Variants in STXBP5 observed in about 807,000 individuals in gnomAD.
The protein encoded by STXBP5 is syntaxin binding protein 5, also known as syntaxin-binding protein 5.
In STXBP5, 50 loss-of-function variants were observed where a neutral mutation model predicts 152.4. The observed-to-expected ratio is 0.33, with a 90% CI of 0.26 to 0.42. The LOEUF is 0.42. Among genes scored for constraint, STXBP5 ranks in the 10% least tolerant of loss-of-function variants. The probability of loss-of-function intolerance (pLI) is 1.00; values close to 1 mark genes in which losing one functional copy is unlikely to be tolerated. For missense variants in STXBP5, 1,167 were observed against 1,388.6 expected (o/e 0.84, Z 2.54); for synonymous variants, 492 against 494.7 (o/e 0.99, Z 0.07).
Position 147,316,304 on chromosome 6 carries a change from A to G in STXBP5, c.1699A>G (p.Thr567Ala). 6.2e-7 allele frequency: 1 copy of G among 1,613,882 alleles called. No homozygotes were observed. The highest frequency in any genetic ancestry group is 8.5e-7 in the Non-Finnish European group (1 of 1,179,922). The stretch of plus-strand genomic sequence containing the variant: ...GGGTGAGCAGCCACCACCTTTGCCA[A>G]CACCCGTGGGAGGGTCCAACCCTCA... The part of the protein sequence containing the change: ...PEGEQPPPLP[T>A]PVGGSNPQPI... Residue 567 changes from threonine (T) to alanine (A), a missense_variant, in exon 16 of 28, where the codon ACA becomes GCA. Thr to Ala is a moderately conservative substitution (Grantham distance 58). Around this residue, in one of 3 missense-constraint regions of STXBP5, gnomAD observed 833 missense variants for 986.3 expected, o/e 0.84. Transcript: ENST00000321680.
At chr6:147,224,067 G>A (rs1399984556) in intron 2 of STXBP5, among the ~76,000 whole-genome samples, 3 of 152,198 alleles carry the variant, frequency 2.0e-5, no homozygotes, top group Non-Finnish European at 2.9e-5. Context: ...TTTATCACTG[G>A]TCAAGAGAAC....
chr6:147,328,463 T>C (rs771205652), intron 18 of STXBP5, among the ~76,000 whole-genome samples: 5 of 152,246 alleles, frequency 3.3e-5, no homozygotes, highest in African/African-American at 4.8e-5. Context: ...GTTCGGTACA[T>C]TATTAACTAA....
At chr6:147,325,217 A>T in intron 17 of STXBP5, 133 bp downstream of exon 17, 2 of 896,716 alleles carry the variant, frequency 2.2e-6, no homozygotes, top group Non-Finnish European at 3.0e-6. Context: ...ATTTCAGACG[A>T]AATTGACTGT....
intron 9 of STXBP5, among the ~76,000 whole-genome samples, chr6:147,295,015 A>G (rs1781447771): frequency 6.6e-6 from 1 of 152,206 alleles, no homozygotes; most frequent in Admixed American, 6.5e-5. Flanking sequence ...TATCTTTGGT[A>G]GGTTACCTAA....
Position 147,370,325 on chromosome 6 carries a change from T to A in STXBP5, c.3082-3406T>A, listed in dbSNP as rs534040086. Among the ~76,000 whole-genome samples, 131 of 152,094 alleles carry A rather than the reference T, an allele frequency of 8.6e-4. 1 individual carries two copies. Among genetic ancestry groups the A allele is most frequent in the Non-Finnish European group, 1.6e-3 (106 of 67,928 alleles). ...ATATTCACAGTGTTGATTGTGGTGATGGTTTCATGCATATATGCATATGGC... is the reference window on the plus strand; with the variant it reads ...ATATTCACAGTGTTGATTGTGGTGAAGGTTTCATGCATATATGCATATGGC... On this transcript the variant is annotated intron_variant, in intron 25 of 27. Transcript: ENST00000321680.
In STXBP5 at chr6:147,388,601, TTAA is replaced by T. The variant is rs942327353; in HGVS notation, c.*3848_*3850del. The T allele has an allele frequency of 6.6e-5, 10 of 151,390 alleles. No individual in the cohort carries two copies. The highest frequency in any genetic ancestry group is 1.5e-4 in the Non-Finnish European group (10 of 67,582). The allele number at this position is 151,390 out of a possible 1,614,324, so 9.4% of individuals were successfully genotyped here. ...ACTGGTATCTCATATCGAGATACAA[TTAA>T]TTTTAAAAAATCATACATCATTTAA... On this transcript the variant is annotated 3_prime_UTR_variant, in exon 28 of 28. Coordinates refer to ENST00000321680, the MANE Select transcript of STXBP5 (RefSeq NM_001127715.4).
intron 14 of STXBP5, among the ~76,000 whole-genome samples, chr6:147,314,907 TGGG>T (rs1261996547): frequency 6.6e-5 from 10 of 152,270 alleles, no homozygotes; most frequent in African/African-American, 2.4e-4. Flanking sequence ...TTAGGGGAAG[TGGG>T]AATGTGTTCC....
chr6:147,225,783 C>G (rs556122075), intron 2 of STXBP5, among the ~76,000 whole-genome samples: 63 of 152,132 alleles, frequency 4.1e-4, no homozygotes, highest in Admixed American at 1.2e-3. Context: ...CAGTACAAAT[C>G]CCACAGGGAA....
At chr6:147,275,002 A>G (rs1406324827) in intron 7 of STXBP5, among the ~76,000 whole-genome samples, 4 of 152,148 alleles carry the variant, frequency 2.6e-5, no homozygotes, top group African/African-American at 9.7e-5. Context: ...TTCAGTTTCC[A>G]TACAATTTTG....
chr6:147,342,080 A>T (rs954165406), intron 21 of STXBP5, among the ~76,000 whole-genome samples: 3 of 152,222 alleles, frequency 2.0e-5, no homozygotes, highest in Admixed American at 6.5e-5. Flanking sequence ...AATACAATTT[A>T]CAGAAAACTA....
chr6:147,268,838 A>T (rs552267219), intron 7 of STXBP5, among the ~76,000 whole-genome samples: 1 of 152,288 alleles, frequency 6.6e-6, no homozygotes, highest in African/African-American at 2.4e-5. Context: ...GTCATGTAGA[A>T]CAGTATTTTT....
chr6:147,291,214 C>T, intron 9 of STXBP5, 42 bp downstream of exon 9: 1 of 1,484,134 alleles, frequency 6.7e-7, no homozygotes, highest in Non-Finnish European at 9.3e-7. Flanking sequence ...GTATATAAGT[C>T]CTCAAATAGC....
chr6:147,270,591 A>T (rs1238044118), intron 7 of STXBP5, among the ~76,000 whole-genome samples: 1 of 152,200 alleles, frequency 6.6e-6, no homozygotes, highest in African/African-American at 2.4e-5. Flanking sequence ...TGAAAGAATT[A>T]ATCACTTGCA....
Position 147,389,327 on chromosome 6 carries a change from T to TA in STXBP5, c.*4573dup, listed in dbSNP as rs1438038397. 1.3e-5 allele frequency: 2 copies of TA among 151,830 alleles called. No individual in the cohort carries two copies. The highest frequency in any genetic ancestry group is 1.3e-4 in the Admixed American group (2 of 15,218). 9.4% of individuals were successfully genotyped at this position (151,830 alleles called of 1,614,324 possible). A position where few individuals can be genotyped will look rare whatever the true frequency, so the allele number is the denominator to read the frequency against. On this transcript the variant is annotated 3_prime_UTR_variant, in exon 28 of 28. Coordinates refer to ENST00000321680, the MANE Select transcript of STXBP5 (RefSeq NM_001127715.4). Reference sequence around the variant, plus strand: ...AAAAGAAAAAAAGGGAAAACTGGCTTACCTTTCTCAGATGAATTAAATGAT... The same window carrying TA: ...AAAAGAAAAAAAGGGAAAACTGGCTTAACCTTTCTCAGATGAATTAAATGAT...
chr6:147,271,608 G>A (rs966585577), intron 7 of STXBP5, among the ~76,000 whole-genome samples: 5 of 152,070 alleles, frequency 3.3e-5, no homozygotes, highest in Non-Finnish European at 7.4e-5. Flanking sequence ...TGAAAAAAAC[G>A]ATTTACCAAG....
intron 4 of STXBP5, among the ~76,000 whole-genome samples, chr6:147,239,508 A>C (rs1778435432): frequency 6.6e-6 from 1 of 152,200 alleles, no homozygotes; most frequent in East Asian, 1.9e-4. Context: ...TGTATGTATA[A>C]AAGAAAAAAT....
intron 25 of STXBP5, among the ~76,000 whole-genome samples, chr6:147,365,061 G>A (rs1459972192): frequency 6.6e-6 from 1 of 152,176 alleles, no homozygotes; most frequent in African/African-American, 2.4e-5. Flanking sequence ...GATTAAAGGA[G>A]ACAGTGCATG....
intron 23 of STXBP5, among the ~76,000 whole-genome samples, chr6:147,361,960 G>T (rs1332445745): frequency 1.3e-5 from 2 of 152,114 alleles, no homozygotes; most frequent in Non-Finnish European, 2.9e-5. Flanking sequence ...GAAATTATCT[G>T]CTCACCAAAC....
chr6:147,329,669 A>G (rs1325662514), intron 18 of STXBP5, among the ~76,000 whole-genome samples: 1 of 108,482 alleles, frequency 9.2e-6, no homozygotes, highest in Non-Finnish European at 1.7e-5. Flanking sequence ...TCTTTCGCCC[A>G]GGCTGGACTG....
Sources: gnomAD v4.1 joint callset for allele counts (sites outside exome capture counted in the v4.1 genomes callset) on GRCh38, gnomAD v4.1.1 for gene constraint, gnomAD v4.1.1 regional missense constraint, MANE v1.5 for transcripts, NCBI Gene and HGNC (gene_info 2026-07-23, HGNC 2026-07-21) for gene names.